KIR2DL3: variants seen among roughly 807,000 people sequenced by gnomAD.
The protein encoded by KIR2DL3 is killer cell immunoglobulin like receptor, two Ig domains and long cytoplasmic tail 3, also known as killer cell immunoglobulin-like receptor 2DL3.
KIR2DL3 carries 39 observed loss-of-function variants against 33.8 expected under a neutral mutation model. The observed-to-expected ratio is 1.15, with a 90% CI of 0.89 to 1.51. KIR2DL3 has a LOEUF of 1.51. KIR2DL3 is among the 40% of genes most tolerant of loss of function. The pLI is 0.00. For synonymous variants in KIR2DL3, 174 were observed against 160.2 expected, an observed-to-expected ratio of 1.09 and a Z score of -0.65; for missense variants, 462 against 426.2, an observed-to-expected ratio of 1.08 and a Z score of -0.74.
In KIR2DL3 at chr19:54,745,849, G is replaced by C. The variant is rs1328777264; in HGVS notation, c.665-1486G>C. On this transcript the variant is annotated intron_variant, in intron 4 of 7. Transcript: ENST00000342376. ...TATTTTGAGATGGAGTTTCGCTCTT[G>C]TCACCCAGGCTGGAGTGCAGTGGTG... 5.4e-3 allele frequency among the ~76,000 whole-genome samples: 752 copies of C among 139,974 alleles called. 23 individuals carry two copies. The highest frequency in any genetic ancestry group is 0.05 in the Admixed American group (679 of 13,450). 91.8% of individuals were successfully genotyped at this position (139,974 alleles called of 152,430 possible).
rs2073374232 is a variant in KIR2DL3 at position 54,751,264 on chromosome 19, T to G, written c.716-385T>G. On this transcript the variant is annotated intron_variant, in intron 5 of 7. Coordinates refer to ENST00000342376, the MANE Select transcript of KIR2DL3 (RefSeq NM_015868.3). ...GAGCGATGGAGCTTCCAAGCTCTTT[T>G]GAACAACCAGCTCTCCAGGAACTAA... Among the ~76,000 whole-genome samples the G allele has an allele frequency of 1.5e-5, 2 of 131,264 alleles. 1 individual carries two copies. Among genetic ancestry groups the G allele is most frequent in the Admixed American group, 1.6e-4 (2 of 12,724 alleles). The allele number at this position is 131,264 out of a possible 152,430, so 86.1% of individuals were successfully genotyped here.
chr19:54,745,703 T>C (rs539324158), intron 4 of KIR2DL3, among the ~76,000 whole-genome samples: 2 of 151,906 alleles, frequency 1.3e-5, no homozygotes, highest in South Asian at 2.1e-4. Context: ...CTTTTCTCCG[T>C]AAAGGCTGTA....
intron 5 of KIR2DL3, among the ~76,000 whole-genome samples, chr19:54,749,118 G>A (rs2073035159): frequency 6.6e-6 from 1 of 151,986 alleles, no homozygotes. Flanking sequence ...GTGGAAGGAA[G>A]AGGCTCTGCC....
At chr19:54,741,226 C>G (rs1378987986) in intron 2 of KIR2DL3, among the ~76,000 whole-genome samples, 1 of 151,316 alleles carries the variant, frequency 6.6e-6, no homozygotes, top group Non-Finnish European at 1.5e-5. Flanking sequence ...GTAATCCTAG[C>G]GACTCAGGAG....
rs535328693 is a variant in KIR2DL3 at position 54,740,622 on chromosome 19, C to T, written c.70+1080C>T. Among the ~76,000 whole-genome samples, 710 of 151,564 alleles carry T rather than the reference C, an allele frequency of 4.7e-3. 5 individuals carry two copies. Among genetic ancestry groups the T allele is most frequent in the African/African-American group, 0.016 (676 of 41,230 alleles). On this transcript the variant is annotated intron_variant, in intron 2 of 7. Coordinates refer to ENST00000342376, the MANE Select transcript of KIR2DL3 (RefSeq NM_015868.3). ...TCCCAGAGCTTCTGTTGGGCATGTC[C>T]TTGAGGGTCCCATCACGCAGGCCCT...
intron 5 of KIR2DL3, among the ~76,000 whole-genome samples, chr19:54,747,604 A>G (rs1271746326): frequency 6.6e-6 from 1 of 152,194 alleles, no homozygotes; most frequent in Non-Finnish European, 1.5e-5. Context: ...ACCTCCTACA[A>G]GCTAGAAGAA....
Position 54,751,558 on chromosome 19 carries a change from A to G in KIR2DL3, c.716-91A>G, listed in dbSNP as rs1263435092. ...GGTGCTTGTCCTAAAGGGGTGTTGT[A>G]TGTGGTTACCTGTCAATCAAGAAAT... On this transcript the variant is annotated intron_variant, in intron 5 of 7. Coordinates refer to ENST00000342376, the MANE Select transcript of KIR2DL3 (RefSeq NM_015868.3). 5.5e-6 allele frequency: 6 copies of G among 1,096,860 alleles called. 1 individual carries two copies. The East Asian group carries it at 7.0e-5, about 13-fold the overall frequency. 67.9% of individuals were successfully genotyped at this position (1,096,860 alleles called of 1,614,324 possible).
intron 2 of KIR2DL3, among the ~76,000 whole-genome samples, chr19:54,741,217 T>C (rs1308202960): frequency 1.3e-5 from 2 of 151,318 alleles, no homozygotes; most frequent in Admixed American, 1.3e-4. Context: ...CAGGTGCATG[T>C]AATCCTAGCG....
In KIR2DL3 at chr19:54,751,658, G is replaced by C; in HGVS notation, c.725G>C (p.Arg242Thr). 2.7e-6 allele frequency: 4 copies of C among 1,505,628 alleles called. No individual in the cohort carries two copies. Among genetic ancestry groups the C allele is most frequent in the Non-Finnish European group, 3.6e-6 (4 of 1,109,156 alleles). The allele number at this position is 1,505,628 out of a possible 1,614,324, so 93.3% of individuals were successfully genotyped here. A position where few individuals can be genotyped will look rare whatever the true frequency, so the allele number is the denominator to read the frequency against. The change falls in exon 6 of 8, where the codon AGA becomes ACA. Residue 242 changes from arginine to threonine, a missense_variant. Physicochemically the swap from Arg to Thr is moderately conservative, Grantham distance 71 (BLOSUM62 -1). Transcript: ENST00000342376. ...TCTCCTCTTCTTCCAGGTAACCCCA[G>C]ACACCTGCATGTTCTGATTGGGACC... is the stretch of plus-strand genomic sequence containing the variant. Reference protein sequence around the residue: ...TEPSSETGNPRHLHVLIGTSV... With the variant: ...TEPSSETGNPTHLHVLIGTSV...
intron 2 of KIR2DL3, 61 bp from the exon 3 acceptor site, chr19:54,741,919 A>G (rs1365494717): frequency 7.1e-7 from 1 of 1,406,430 alleles, no homozygotes; most frequent in Non-Finnish European, 9.9e-7. Context: ...CACTCATTCT[A>G]GGTGCCATGG....
chr19:54,741,429 G>A (rs1284597225), intron 2 of KIR2DL3, among the ~76,000 whole-genome samples: 2 of 152,084 alleles, frequency 1.3e-5, no homozygotes, highest in East Asian at 3.9e-4. Context: ...GCCACCACCA[G>A]GCTCCATCCA....
intron 2 of KIR2DL3, 77 bp downstream of exon 2, chr19:54,739,619 C>T (rs879094234): frequency 3.8e-6 from 6 of 1,572,060 alleles, no homozygotes; most frequent in Non-Finnish European, 4.3e-6. Flanking sequence ...GAAGTCCTGT[C>T]GGGGAGTCTC....
intron 4 of KIR2DL3, among the ~76,000 whole-genome samples, chr19:54,745,477 C>T (rs2072322247): frequency 6.6e-6 from 1 of 151,924 alleles, no homozygotes; most frequent in Non-Finnish European, 1.5e-5. Context: ...ATTTTCCTGC[C>T]TCAGCCTCCC....
chr19:54,741,250 G>A (rs1485005822), intron 2 of KIR2DL3, among the ~76,000 whole-genome samples: 1 of 151,484 alleles, frequency 6.6e-6, no homozygotes, highest in Non-Finnish European at 1.5e-5. Flanking sequence ...GAGGGCAGGA[G>A]AATCACTTGA....
Position 54,752,379 on chromosome 19 carries a change from C to A in KIR2DL3, c.886C>A (p.Gln296Lys). ...RTVNREDSDE[Q>K]DPQEVTYAQL... The stretch of plus-strand genomic sequence containing the variant: ...TCCCTCTCTCCAGGACTCTGATGAA[C>A]AAGACCCTCAGGAGGTGACATATGC... The change falls in exon 8 of 8, where the codon CAA (glutamine) becomes AAA (lysine). Residue 296 changes from glutamine to lysine, a missense_variant. Gln to Lys is a moderately conservative substitution (Grantham distance 53). Transcript: ENST00000342376. 1 of 1,472,486 alleles carries A rather than the reference C, an allele frequency of 6.8e-7. No homozygotes were observed. The highest frequency in any genetic ancestry group is 9.2e-7 in the Non-Finnish European group (1 of 1,081,338). The allele number at this position is 1,472,486 out of a possible 1,614,324, so 91.2% of individuals were successfully genotyped here.
intron 2 of KIR2DL3, among the ~76,000 whole-genome samples, chr19:54,740,799 A>T (rs2070914551): frequency 6.6e-6 from 1 of 151,324 alleles, no homozygotes; most frequent in Non-Finnish European, 1.5e-5. Flanking sequence ...GATGGAGCTC[A>T]TGGGGAGACA....
chr19:54,752,698 C>G lies in KIR2DL3; in HGVS notation c.*179C>G, dbSNP rs2073671850. ...TCCTCACACCACAAATCTGAACGTG[C>G]CTCTCCCTTGCTTACAAATGTCTAA... On this transcript the variant is annotated 3_prime_UTR_variant, in exon 8 of 8. Coordinates refer to ENST00000342376, the MANE Select transcript of KIR2DL3 (RefSeq NM_015868.3). The G allele has an allele frequency of 8.5e-6, 8 of 946,560 alleles. 1 individual carries two copies. Among genetic ancestry groups the G allele is most frequent in the African/African-American group, 3.7e-5 (2 of 53,690 alleles). 58.6% of individuals were successfully genotyped at this position (946,560 alleles called of 1,614,324 possible). A position where few individuals can be genotyped will look rare whatever the true frequency, so the allele number is the denominator to read the frequency against.
intron 2 of KIR2DL3, among the ~76,000 whole-genome samples, chr19:54,741,173 T>G (rs2071017537): frequency 6.6e-6 from 1 of 150,786 alleles, no homozygotes; most frequent in South Asian, 2.1e-4. Context: ...AAGGACAAGT[T>G]AAGAAACAAC....
intron 4 of KIR2DL3, among the ~76,000 whole-genome samples, chr19:54,745,425 T>C (rs2072309317): frequency 6.7e-6 from 1 of 150,108 alleles, no homozygotes; most frequent in South Asian, 2.2e-4. Flanking sequence ...ACAAGTGAAG[T>C]CATCTTGGCT....
Sources: allele counts gnomAD v4.1 joint callset (sites outside exome capture counted in the v4.1 genomes callset), GRCh38; gene constraint gnomAD v4.1.1; transcripts MANE v1.5; gene names NCBI Gene and HGNC (gene_info 2026-07-23, HGNC 2026-07-21).